The following LRMDA variants were observed in gnomAD, a reference collection of about 807,000 sequenced individuals.
LRMDA encodes leucine rich melanocyte differentiation associated.
Under a neutral mutation model 29.8 loss-of-function variants are expected in LRMDA, and 18 were observed. The ratio of observed to expected loss-of-function variants is 0.60; its 90% CI spans 0.42 to 0.90. LRMDA has a LOEUF of 0.90. Ranked by LOEUF, LRMDA falls within the 40% of genes least tolerant of loss-of-function variation. The pLI is 0.00. For missense variants in LRMDA, 273 were observed against 273.9 expected (o/e 1.00, Z 0.02); for synonymous variants, 125 against 109.4 (o/e 1.14, Z -0.89).
intron 2 of LRMDA, among the ~76,000 whole-genome samples, chr10:75,875,778 GA>G (rs1589237276): frequency 6.6e-6 from 1 of 152,228 alleles, no homozygotes; most frequent in Non-Finnish European, 1.5e-5. Context: ...GGATAGTAGT[GA>G]TTGGACCATG....
intron 2 of LRMDA, among the ~76,000 whole-genome samples, chr10:75,857,043 C>G (rs368198914): frequency 6.6e-6 from 1 of 152,114 alleles, no homozygotes; most frequent in Non-Finnish European, 1.5e-5. Context: ...CAATAACAGA[C>G]AAAAATGAGC....
At chr10:76,512,943 C>T (rs988384796) in intron 6 of LRMDA, among the ~76,000 whole-genome samples, 5 of 152,032 alleles carry the variant, frequency 3.3e-5, no homozygotes, top group East Asian at 1.9e-4. Flanking sequence ...ATATCTACTA[C>T]GTGATATATG....
At chr10:75,701,982 A>G (rs1281323697) in intron 2 of LRMDA, among the ~76,000 whole-genome samples, 1 of 151,792 alleles carries the variant, frequency 6.6e-6, no homozygotes, top group Non-Finnish European at 1.5e-5. Context: ...TGTTTCTCTG[A>G]TTTTTCTCTG....
In LRMDA at chr10:76,500,487, C is replaced by T. The variant is rs1447624075; in HGVS notation, c.602-56722C>T. 9.3e-5 allele frequency among the ~76,000 whole-genome samples: 7 copies of T among 75,560 alleles called. 2 individuals are homozygous for T. Among genetic ancestry groups the T allele is most frequent in the Middle Eastern group, 0.016 (2 of 124 alleles). 49.6% of individuals were successfully genotyped at this position (75,560 alleles called of 152,430 possible). On this transcript the variant is annotated intron_variant, in intron 6 of 6. Coordinates refer to ENST00000611255, the MANE Select transcript of LRMDA (RefSeq NM_001305581.2). ...GTGATATTAAACATTTAGGTTTTCTCTGGTGAAACAAAATGAAATTAGTCA... is the reference window on the plus strand; with the variant it reads ...GTGATATTAAACATTTAGGTTTTCTTTGGTGAAACAAAATGAAATTAGTCA...
At chr10:76,326,864 C>A (rs1334706538) in intron 6 of LRMDA, among the ~76,000 whole-genome samples, 1 of 152,092 alleles carries the variant, frequency 6.6e-6, no homozygotes, top group East Asian at 1.9e-4. Flanking sequence ...TGTAGATAAT[C>A]CATATATCAC....
rs375186570 is a variant in LRMDA at position 76,330,693 on chromosome 10, A to G, written c.601+6208A>G. Among the ~76,000 whole-genome samples, 12 of 152,152 alleles carry G rather than the reference A, an allele frequency of 7.9e-5. No individual in the cohort carries two copies. The East Asian group carries it at 1.7e-3, about 22-fold the overall frequency. Reference sequence around the variant, plus strand: ...CTTCCAGTGTCTTTTGTTTCAAAGCACTCAGCACGTCAAGGTGCCACAATT... The same window carrying G: ...CTTCCAGTGTCTTTTGTTTCAAAGCGCTCAGCACGTCAAGGTGCCACAATT... On this transcript the variant is annotated intron_variant, in intron 6 of 6. Transcript: ENST00000611255.
In LRMDA at chr10:76,211,761, G is replaced by A. The variant is rs139411621; in HGVS notation, c.517-112640G>A. ...AGAAATGCAGTGTTTGCTTCAAAGA[G>A]CAATTCCTTAGTTTGTTGTTGGTGA... On this transcript the variant is annotated intron_variant, in intron 5 of 6. Transcript: ENST00000611255. Among the ~76,000 whole-genome samples, 429 of 152,326 alleles carry A rather than the reference G, an allele frequency of 2.8e-3. 2 individuals carry two copies. Among genetic ancestry groups the A allele is most frequent in the African/African-American group, 9.8e-3 (407 of 41,574 alleles).
chr10:76,197,295 A>G (rs755977297), intron 5 of LRMDA, among the ~76,000 whole-genome samples: 1 of 152,244 alleles, frequency 6.6e-6, no homozygotes, highest in Admixed American at 6.5e-5. Flanking sequence ...CAGAATAGAT[A>G]CAGATCATTG....
intron 2 of LRMDA, among the ~76,000 whole-genome samples, chr10:75,823,693 T>A (rs1488535768): frequency 3.4e-4 from 13 of 37,894 alleles, no homozygotes; most frequent in African/African-American, 5.9e-4. Flanking sequence ...GTAGTGTGTG[T>A]GTGTGTGTGT....
At chr10:75,584,947 C>T (rs1038199707) in intron 2 of LRMDA, among the ~76,000 whole-genome samples, 9 of 152,194 alleles carry the variant, frequency 5.9e-5, no homozygotes, top group Admixed American at 1.3e-4. Context: ...TAATTGCAGA[C>T]ATTTTTTCCT....
chr10:75,533,950 T>C (rs1845508631), intron 2 of LRMDA, among the ~76,000 whole-genome samples: 1 of 152,196 alleles, frequency 6.6e-6, no homozygotes, highest in African/African-American at 2.4e-5. Context: ...CAAACTGGTT[T>C]CAACAGTAAA....
At chr10:75,791,482 C>T (rs959525084) in intron 2 of LRMDA, among the ~76,000 whole-genome samples, 1 of 152,184 alleles carries the variant, frequency 6.6e-6, no homozygotes, top group African/African-American at 2.4e-5. Flanking sequence ...ATTACAAGCA[C>T]AATGCCATCT....
At chr10:75,740,861 A>G (rs1403957377) in intron 2 of LRMDA, among the ~76,000 whole-genome samples, 1 of 152,192 alleles carries the variant, frequency 6.6e-6, no homozygotes, top group Non-Finnish European at 1.5e-5. Flanking sequence ...GAGGCATAGT[A>G]AGAGTATATT....
At chr10:76,167,758 A>C (rs1246711427) in intron 5 of LRMDA, among the ~76,000 whole-genome samples, 2 of 152,126 alleles carry the variant, frequency 1.3e-5, no homozygotes, top group East Asian at 3.9e-4. Flanking sequence ...GTTCCATATG[A>C]ATTTTAAAAT....
Position 75,936,091 on chromosome 10 carries a change from G to T in LRMDA, c.132-99917G>T, listed in dbSNP as rs145365588. On this transcript the variant is annotated intron_variant, in intron 2 of 6. Coordinates refer to ENST00000611255, the MANE Select transcript of LRMDA (RefSeq NM_001305581.2). ...TCTGCCTGGTTGAGTTTGGTAAGAT[G>T]TCTCCTTGTTTTATATTTATCATTG... 2.6e-5 allele frequency among the ~76,000 whole-genome samples: 4 copies of T among 152,248 alleles called. No individual in the cohort carries two copies. The East Asian group carries it at 7.7e-4, about 29-fold the overall frequency.
chr10:75,876,062 G>A (rs1845192778), intron 2 of LRMDA, among the ~76,000 whole-genome samples: 1 of 152,162 alleles, frequency 6.6e-6, no homozygotes, highest in Non-Finnish European at 1.5e-5. Context: ...GACCCTGGTG[G>A]GAGGATATGA....
At chr10:75,940,416 A>ACCCTC (rs1846369625) in intron 2 of LRMDA, among the ~76,000 whole-genome samples, 1 of 152,076 alleles carries the variant, frequency 6.6e-6, no homozygotes, top group African/African-American at 2.4e-5. Context: ...AGGACAGCTG[A>ACCCTC]AGTGCCCTGG....
chr10:75,471,361 A>G (rs927879595), intron 2 of LRMDA, among the ~76,000 whole-genome samples: 2 of 151,604 alleles, frequency 1.3e-5, no homozygotes, highest in African/African-American at 4.9e-5. Context: ...CTCACCCTGC[A>G]TACATTGTAG....
intron 5 of LRMDA, among the ~76,000 whole-genome samples, chr10:76,322,204 A>G (rs762678770): frequency 6.6e-6 from 1 of 152,178 alleles, no homozygotes; most frequent in Non-Finnish European, 1.5e-5. Context: ...CTTCTTTCCT[A>G]TGATAATTGT....
Sources: gnomAD v4.1 joint callset for allele counts (sites outside exome capture counted in the v4.1 genomes callset) on GRCh38, gnomAD v4.1.1 for gene constraint, MANE v1.5 for transcripts, NCBI Gene and HGNC (gene_info 2026-07-23, HGNC 2026-07-21) for gene names.